The following MYO9B variants were observed in gnomAD, a reference collection of about 807,000 sequenced individuals.
MYO9B encodes the protein unconventional myosin-IXb.
In MYO9B, 71 loss-of-function variants were observed where a neutral mutation model predicts 229.5. The observed-to-expected ratio is 0.31, with a 90% CI of 0.26 to 0.38. The LOEUF (loss-of-function observed/expected upper bound fraction) is 0.38. Ranked by LOEUF, MYO9B falls within the 10% of genes least tolerant of loss-of-function variation. The pLI is 1.00. For missense variants in MYO9B, 2,255 were observed against 2,920.5 expected (o/e 0.77, Z 5.25); for synonymous variants, 1,185 against 1,235.8 (o/e 0.96, Z 0.86).
intron 1 of MYO9B, among the ~76,000 whole-genome samples, chr19:17,089,121 T>C (rs957755961): frequency 6.6e-5 from 10 of 152,188 alleles, no homozygotes; most frequent in Admixed American, 3.3e-4. Context: ...GTGGCCATCT[T>C]ATGGTTAGGT....
chr19:17,107,618 G>A (rs2057804952), intron 2 of MYO9B, among the ~76,000 whole-genome samples: 1 of 152,210 alleles, frequency 6.6e-6, no homozygotes, highest in African/African-American at 2.4e-5. Flanking sequence ...ACTCCCTCCC[G>A]GCTCTGGGGG....
chr19:17,085,771 G>A (rs1256839295), intron 1 of MYO9B, among the ~76,000 whole-genome samples: 3 of 152,072 alleles, frequency 2.0e-5, no homozygotes, highest in Admixed American at 6.6e-5. Flanking sequence ...GTTCGAGACC[G>A]GCCTGGGCAA....
chr19:17,136,762 T>C (rs1459653537), intron 2 of MYO9B, among the ~76,000 whole-genome samples: 1 of 151,946 alleles, frequency 6.6e-6, no homozygotes, highest in African/African-American at 2.4e-5. Flanking sequence ...ACCAGCCCCC[T>C]GGGTTTCATC....
chr19:17,090,895 C>T (rs1339151568), intron 1 of MYO9B, among the ~76,000 whole-genome samples: 1 of 152,176 alleles, frequency 6.6e-6, no homozygotes, highest in Non-Finnish European at 1.5e-5. Flanking sequence ...TCCTTCCATT[C>T]CCGCCAGAAC....
At chr19:17,210,211 G>A (rs2073210312) in intron 36 of MYO9B, 122 bp from the exon 37 acceptor site, 1 of 988,778 alleles carries the variant, frequency 1.0e-6, no homozygotes, top group East Asian at 2.7e-5. Context: ...TGGGGAACGG[G>A]CTCTGGGCTC....
chr19:17,173,751 T>C (rs1325888582), intron 13 of MYO9B, among the ~76,000 whole-genome samples: 2 of 152,124 alleles, frequency 1.3e-5, no homozygotes. Context: ...GAGTTGCTGA[T>C]AGAAGGATGG....
chr19:17,154,759 A>C (rs1439604829), intron 6 of MYO9B, among the ~76,000 whole-genome samples: 1 of 152,128 alleles, frequency 6.6e-6, no homozygotes, highest in African/African-American at 2.4e-5. Flanking sequence ...CCAAGAGTTC[A>C]AGACCAGCCT....
At chr19:17,139,095 T>C (rs1036447602) in intron 2 of MYO9B, among the ~76,000 whole-genome samples, 2 of 152,154 alleles carry the variant, frequency 1.3e-5, no homozygotes, top group Admixed American at 6.6e-5. Flanking sequence ...GAGGATAGCC[T>C]GAACCTGGGA....
At chr19:17,181,068 C>T (rs1278310895) in intron 15 of MYO9B, 28 bp downstream of exon 15, 3 of 1,512,986 alleles carry the variant, frequency 2.0e-6, no homozygotes, top group South Asian at 1.2e-5. Flanking sequence ...GCCCTGCTTA[C>T]AAGTGCGACA....
chr19:17,203,656 G>C (rs1417330005), intron 30 of MYO9B, among the ~76,000 whole-genome samples: 3 of 149,378 alleles, frequency 2.0e-5, no homozygotes, highest in Non-Finnish European at 3.0e-5. Context: ...CAGCCACCAG[G>C]TCAGATCTTT....
chr19:17,209,704 A>C lies in MYO9B; in HGVS notation c.5743A>C (p.Asn1915His). ...CCGCAGGCTTTCGCTCCTGCGACAA[A>C]ATGCTGTGAGTACCGGTGATCGTGG... ...AFRRLSLLRQ[N>H]APWPLKLGFS... Residue 1915 changes from asparagine (N) to histidine (H), a missense_variant, in exon 36 of 40, where the codon AAT (asparagine) becomes CAT (histidine). By Grantham distance (68) the Asn-to-His change is moderately conservative. This residue lies in a region of MYO9B where 416 missense variants were observed against 605.5 expected (regional missense o/e 0.69). Transcript: ENST00000682292. 1 of 1,613,748 alleles carries C rather than the reference A, an allele frequency of 6.2e-7. No homozygotes were observed. Among genetic ancestry groups the C allele is most frequent in the South Asian group, 1.1e-5 (1 of 91,062 alleles).
chr19:17,125,302 C>G (rs1372326241), intron 2 of MYO9B, among the ~76,000 whole-genome samples: 2 of 136,998 alleles, frequency 1.5e-5, no homozygotes, highest in Non-Finnish European at 3.1e-5. Context: ...CCCCATCCCC[C>G]CCCCCCCAAA....
intron 2 of MYO9B, among the ~76,000 whole-genome samples, chr19:17,106,543 T>C (rs2057794736): frequency 6.6e-6 from 1 of 152,216 alleles, no homozygotes; most frequent in East Asian, 1.9e-4. Flanking sequence ...GTGGCCCCAG[T>C]GTCCTCCCAG....
chr19:17,132,525 A>ATTTTTTTTTTTT (rs35184435), intron 2 of MYO9B, among the ~76,000 whole-genome samples: 1 of 116,362 alleles, frequency 8.6e-6, no homozygotes, highest in Admixed American at 9.2e-5. Flanking sequence ...TATTATTATT[A>ATTTTTTTTTTTT]TTTTTTTTTT....
At chr19:17,078,368 T>C (rs2123415220) in intron 1 of MYO9B, among the ~76,000 whole-genome samples, 1 of 152,182 alleles carries the variant, frequency 6.6e-6, no homozygotes, top group South Asian at 2.1e-4. Context: ...GGAGAAACCC[T>C]GTCTCCACTA....
At chr19:17,141,859 C>T (rs565365944) in intron 2 of MYO9B, among the ~76,000 whole-genome samples, 161 of 152,238 alleles carry the variant, frequency 1.1e-3, no homozygotes, top group Middle Eastern at 3.4e-3. Flanking sequence ...CAGTACAGAG[C>T]AAAAAGATTG....
chr19:17,162,534 G>C, intron 9 of MYO9B, 68 bp downstream of exon 9: 1 of 1,346,374 alleles, frequency 7.4e-7, no homozygotes, highest in Non-Finnish European at 1.0e-6. Context: ...CAATATCCTT[G>C]GTGGGCGACC....
At position 17,194,814 on chromosome 19, in the gene MYO9B, C is replaced by T; in HGVS notation, c.3387C>T (p.Pro1129=). The change falls in exon 22 of 40, where the codon CCC becomes CCT. Residue 1129 remains proline, a synonymous_variant. Coordinates refer to ENST00000682292, the MANE Select transcript of MYO9B (RefSeq NM_004145.4). ...EAPSPEKTLP[P]QKTVAAESHE... The stretch of plus-strand genomic sequence containing the variant: ...CAAGCCCAGAGAAGACTCTCCCACC[C>T]CAGAAAACCGTGGCGGCTGAAAGTC... 3.1e-6 allele frequency: 5 copies of T among 1,613,388 alleles called. No individual in the cohort carries two copies. Among genetic ancestry groups the T allele is most frequent in the Non-Finnish European group, 4.2e-6 (5 of 1,179,888 alleles).
intron 2 of MYO9B, among the ~76,000 whole-genome samples, chr19:17,135,267 GAAA>G (rs36012888): frequency 6.6e-6 from 1 of 151,234 alleles, no homozygotes; most frequent in Non-Finnish European, 1.5e-5. Flanking sequence ...TATTATAAAA[GAAA>G]AAAAAATGTG....
Sources: allele counts gnomAD v4.1 joint callset (sites outside exome capture counted in the v4.1 genomes callset), GRCh38; gene constraint gnomAD v4.1.1; regional missense constraint gnomAD v4.1.1; transcripts MANE v1.5; gene names NCBI Gene and HGNC (gene_info 2026-07-23, HGNC 2026-07-21).